NELL1: variants seen among roughly 807,000 people sequenced by gnomAD.
NELL1 encodes neural EGFL like 1.
Under a neutral mutation model 107.4 loss-of-function variants are expected in NELL1, and 76 were observed. That is an observed-to-expected ratio of 0.71 (90% confidence interval 0.59 to 0.86). NELL1 has a LOEUF of 0.86. Ranked by LOEUF, NELL1 falls within the 40% of genes least tolerant of loss-of-function variation. The pLI is 0.00. For missense variants in NELL1, 1,024 were observed against 1,005.5 expected, an observed-to-expected ratio of 1.02 and a Z score of -0.25; for synonymous variants, 353 against 341.2, an observed-to-expected ratio of 1.03 and a Z score of -0.38.
chr11:21,336,688 C>CACACACACACACACAT lies in NELL1; in HGVS notation c.1550-34162_1550-34161insCACACACACACATACA, dbSNP rs1229656676. On this transcript the variant is annotated intron_variant, in intron 14 of 19. Transcript: ENST00000357134. ...ATATATATATATACACACACACACA[C>CACACACACACACACAT]ACATTAAACAGAAATCAGAATGAAA... Among the ~76,000 whole-genome samples, 109 of 150,034 alleles carry CACACACACACACACAT rather than the reference C, an allele frequency of 7.3e-4. 1 individual carries two copies. Among genetic ancestry groups the CACACACACACACACAT allele is most frequent in the African/African-American group, 2.6e-3 (105 of 40,720 alleles).
rs1182825183 is a variant in NELL1 at position 21,370,949 on chromosome 11, G to A, written c.1645+1G>A. On this transcript the variant is annotated splice_donor_variant, in intron 15 of 19. Coordinates refer to ENST00000357134, the MANE Select transcript of NELL1 (RefSeq NM_006157.5). LOFTEE classifies it high-confidence loss of function. The stretch of plus-strand genomic sequence containing the variant: ...TTCACAGGAAGCCACTGCGAGAAAG[G>A]TAATCTAGCTTGTTTTATGGGGGAT... 8 of 1,607,648 alleles carry A rather than the reference G, an allele frequency of 5.0e-6. No homozygotes were observed. The highest frequency in any genetic ancestry group is 1.3e-5 in the African/African-American group (1 of 74,700).
intron 15 of NELL1, among the ~76,000 whole-genome samples, chr11:21,450,803 A>T (rs924001437): frequency 3.3e-5 from 5 of 151,796 alleles, no homozygotes; most frequent in African/African-American, 1.2e-4. Context: ...CTTAACATTA[A>T]TATAATATTT....
At chr11:21,342,127 TA>T (rs1323016808) in intron 14 of NELL1, among the ~76,000 whole-genome samples, 1 of 152,164 alleles carries the variant, frequency 6.6e-6, no homozygotes, top group Non-Finnish European at 1.5e-5. Context: ...AGAGAAGGTA[TA>T]TAAAAAACAT....
At chr11:21,168,804 A>G (rs903221426) in intron 13 of NELL1, among the ~76,000 whole-genome samples, 8 of 151,872 alleles carry the variant, frequency 5.3e-5, no homozygotes, top group Admixed American at 6.6e-5. Context: ...CATATTTTCA[A>G]TGCCTCATCT....
chr11:20,688,368 C>A (rs1159664439), intron 2 of NELL1, among the ~76,000 whole-genome samples: 3 of 152,010 alleles, frequency 2.0e-5, no homozygotes, highest in Admixed American at 6.6e-5. Flanking sequence ...TTTTTCAACC[C>A]TTACCCATCA....
rs113349361 is a variant in NELL1 at position 20,684,855 on chromosome 11, C to T, written c.184+6795C>T. ...GCAAGATCCTTCAGCGTACTCTACC[C>T]AGTGACTGATAAGTCATGGGATTTT... On this transcript the variant is annotated intron_variant, in intron 2 of 19. Transcript: ENST00000357134. 3.0e-3 allele frequency among the ~76,000 whole-genome samples: 461 copies of T among 152,158 alleles called. 2 individuals are homozygous for T. Among genetic ancestry groups the T allele is most frequent in the African/African-American group, 0.011 (448 of 41,548 alleles).
chr11:21,489,417 A>AAAAAAAAAAAAAAAG (rs1554922057), intron 15 of NELL1, among the ~76,000 whole-genome samples: 1 of 149,640 alleles, frequency 6.7e-6, no homozygotes, highest in Non-Finnish European at 1.5e-5. Flanking sequence ...AACAGAAGAA[A>AAAAAAAAAAAAAAAG]AGGGAACTCT....
chr11:21,223,356 C>T (rs1407964579), intron 13 of NELL1, among the ~76,000 whole-genome samples: 1 of 151,784 alleles, frequency 6.6e-6, no homozygotes, highest in Non-Finnish European at 1.5e-5. Flanking sequence ...TACTTAATAT[C>T]TATTTCTTCT....
At chr11:21,327,968 G>A (rs1409364967) in intron 14 of NELL1, among the ~76,000 whole-genome samples, 2 of 152,116 alleles carry the variant, frequency 1.3e-5, no homozygotes, top group African/African-American at 4.8e-5. Context: ...AGAGGAAGCA[G>A]AGCATAAATG....
At chr11:20,757,057 C>T (rs1013647282) in intron 2 of NELL1, among the ~76,000 whole-genome samples, 3 of 151,890 alleles carry the variant, frequency 2.0e-5, no homozygotes, top group African/African-American at 7.3e-5. Flanking sequence ...AGCTTTACCT[C>T]CATCCTTCCT....
intron 12 of NELL1, among the ~76,000 whole-genome samples, chr11:21,025,072 G>T (rs1288770977): frequency 1.3e-5 from 2 of 152,044 alleles, no homozygotes; most frequent in South Asian, 2.1e-4. Flanking sequence ...GGGGACCATG[G>T]TCTGTATAAT....
At chr11:21,445,336 G>GT (rs1590937757) in intron 15 of NELL1, among the ~76,000 whole-genome samples, 3 of 149,706 alleles carry the variant, frequency 2.0e-5, no homozygotes, top group South Asian at 2.2e-4. Flanking sequence ...GTTTTTTTGG[G>GT]TTTTTTTGAG....
chr11:20,782,183 G>T (rs1439967845), intron 2 of NELL1, among the ~76,000 whole-genome samples: 1 of 152,150 alleles, frequency 6.6e-6, no homozygotes, highest in Non-Finnish European at 1.5e-5. Context: ...TTTGTAGAAG[G>T]CATAGAAGCA....
chr11:21,245,167 A>G (rs1176872283), intron 14 of NELL1, among the ~76,000 whole-genome samples: 1 of 152,076 alleles, frequency 6.6e-6, no homozygotes, highest in Admixed American at 6.6e-5. Context: ...CTTTTCCCCC[A>G]CACAAAACCT....
chr11:21,077,313 A>G (rs1329671257), intron 12 of NELL1, among the ~76,000 whole-genome samples: 1 of 152,208 alleles, frequency 6.6e-6, no homozygotes, highest in East Asian at 1.9e-4. Context: ...TCATTATGAT[A>G]GGAAATAAAG....
At position 20,941,119 on chromosome 11, in the gene NELL1, A is replaced by G. The variant is rs146387450; in HGVS notation, c.1071+3260A>G. On this transcript the variant is annotated intron_variant, in intron 10 of 19. Coordinates refer to ENST00000357134, the MANE Select transcript of NELL1 (RefSeq NM_006157.5). ...GTGCCACTGCACTACAGCCTGGGCG[A>G]CAGAGTGAGACGCCATCTCAAAAAA... Among the ~76,000 whole-genome samples the G allele has an allele frequency of 7.0e-3, 1,062 of 152,276 alleles. 20 individuals are homozygous for G. Among genetic ancestry groups the G allele is most frequent in the African/African-American group, 0.024 (1,006 of 41,542 alleles).
chr11:21,107,384 G>A (rs1271386295), intron 12 of NELL1, among the ~76,000 whole-genome samples: 3 of 152,078 alleles, frequency 2.0e-5, no homozygotes, highest in Non-Finnish European at 2.9e-5. Context: ...ATACCAACCA[G>A]TTAGCCAACA....
chr11:21,567,274 C>A (rs1218974348), intron 17 of NELL1, among the ~76,000 whole-genome samples: 1 of 151,626 alleles, frequency 6.6e-6, no homozygotes, highest in Non-Finnish European at 1.5e-5. Flanking sequence ...TCATTTGGGG[C>A]CATGGTGACA....
intron 13 of NELL1, among the ~76,000 whole-genome samples, chr11:21,185,539 C>T (rs1366854672): frequency 6.6e-6 from 1 of 151,696 alleles, no homozygotes; most frequent in African/African-American, 2.4e-5. Context: ...AGGTGATCCA[C>T]CCGCCTCGGC....
Sources: allele counts gnomAD v4.1 joint callset (sites outside exome capture counted in the v4.1 genomes callset), GRCh38; gene constraint gnomAD v4.1.1; transcripts MANE v1.5; gene names NCBI Gene and HGNC (gene_info 2026-07-23, HGNC 2026-07-21).